Variants in NPAT observed in about 807,000 individuals in gnomAD.
NPAT encodes the protein protein NPAT.
A neutral mutation model predicts 130.7 loss-of-function variants in NPAT; 52 were observed. The observed-to-expected ratio is 0.40, with a 90% CI of 0.32 to 0.50. The LOEUF (loss-of-function observed/expected upper bound fraction) is 0.50. Ranked by LOEUF, NPAT falls within the 20% of genes least tolerant of loss-of-function variation. The probability of loss-of-function intolerance (pLI) is 0.68; values close to 1 mark genes in which losing one functional copy is unlikely to be tolerated. For missense variants in NPAT, 1,687 were observed against 1,662.6 expected, an observed-to-expected ratio of 1.01 and a Z score of -0.26; for synonymous variants, 580 against 584.8, an observed-to-expected ratio of 0.99 and a Z score of 0.12.
intron 10 of NPAT, among the ~76,000 whole-genome samples, chr11:108,177,522 A>G (rs2078020451): frequency 6.6e-6 from 1 of 152,070 alleles, no homozygotes; most frequent in African/African-American, 2.4e-5. Context: ...CTGACTTTTT[A>G]TGTAGTAGCA....
chr11:108,191,928 T>A (rs949126886), intron 4 of NPAT, among the ~76,000 whole-genome samples, 190 bp downstream of exon 4: 3 of 152,256 alleles, frequency 2.0e-5, no homozygotes, highest in Non-Finnish European at 4.4e-5. Context: ...GTTTTCTAAA[T>A]ATTTTATTAA....
intron 6 of NPAT, among the ~76,000 whole-genome samples, chr11:108,188,645 C>T (rs1260348606): frequency 1.3e-5 from 2 of 152,124 alleles, no homozygotes; most frequent in Non-Finnish European, 2.9e-5. Flanking sequence ...TTCAAGTATG[C>T]AACAAATAAG....
chr11:108,210,441 C>G (rs754651233), intron 1 of NPAT, among the ~76,000 whole-genome samples: 1 of 152,166 alleles, frequency 6.6e-6, no homozygotes, highest in Non-Finnish European at 1.5e-5. Flanking sequence ...TGCTCTCACT[C>G]CTGCCATGTG....
intron 1 of NPAT, among the ~76,000 whole-genome samples, chr11:108,200,259 A>G: frequency 6.6e-6 from 1 of 152,192 alleles, no homozygotes; most frequent in South Asian, 2.1e-4. Flanking sequence ...GCAACTTATT[A>G]GGCCAGGCCT....
rs558468952 is a variant in NPAT at position 108,163,067 on chromosome 11, T to C, written c.3011-887A>G. 1.7e-4 allele frequency among the ~76,000 whole-genome samples: 26 copies of C among 151,460 alleles called. No homozygotes were observed. In the East Asian group the frequency reaches 4.1e-3, roughly 24 times the overall value. ...GAGGCAATCCTTTAAGAGATTTATTTATTTATTTATTTATTTATTTATTTA... is the reference window on the plus strand; with the variant it reads ...GAGGCAATCCTTTAAGAGATTTATTCATTTATTTATTTATTTATTTATTTA... On this transcript the variant is annotated intron_variant, in intron 15 of 17. Transcript: ENST00000278612.
chr11:108,163,729 T>C (rs147327166), intron 15 of NPAT, among the ~76,000 whole-genome samples: 3 of 152,312 alleles, frequency 2.0e-5, no homozygotes, highest in African/African-American at 4.8e-5. Context: ...GAAGCCACCA[T>C]AGTATCAACA....
intron 15 of NPAT, among the ~76,000 whole-genome samples, chr11:108,163,625 A>C (rs1367662353): frequency 6.6e-6 from 1 of 152,228 alleles, no homozygotes; most frequent in Non-Finnish European, 1.5e-5. Flanking sequence ...AGGCAGAAGA[A>C]GTCTTTGAGG....
chr11:108,222,509 G>T lies in NPAT; in HGVS notation c.28C>A (p.Leu10Ile). MLLPSDVAR[L>I]VLGYLQQENL... is the part of the protein sequence containing the mutation. ...CCGCGTCCGCGCTTACCCAATACAA[G>T]CCGGGCTACGTCCGAGGGTAACAAC... The change falls in exon 1 of 18, where the codon CTT (leucine) becomes ATT (isoleucine). Residue 10 changes from leucine to isoleucine, a missense_variant. Physicochemically the swap from Leu to Ile is conservative, Grantham distance 5 (BLOSUM62 2). Transcript: ENST00000278612. 1 of 1,613,864 alleles carries T rather than the reference G, an allele frequency of 6.2e-7. No homozygotes were observed. Among genetic ancestry groups the T allele is most frequent in the Non-Finnish European group, 8.5e-7 (1 of 1,179,908 alleles).
In NPAT at chr11:108,173,705, C is replaced by G. The variant is rs748820751; in HGVS notation, c.1279G>C (p.Ala427Pro). 2 of 1,614,144 alleles carry G rather than the reference C, an allele frequency of 1.2e-6. No homozygotes were observed. Among genetic ancestry groups the G allele is most frequent in the South Asian group, 2.2e-5 (2 of 91,088 alleles). Reference protein sequence around the residue: ...SQISTSIQKKAFKTAVPTEQK... With the variant: ...SQISTSIQKKPFKTAVPTEQK... ...TCAGTGGGTACAGCTGTTTTAAAGGCCTTTTTCTGTATGCTGGTACTTATT... is the reference window on the plus strand; with the variant it reads ...TCAGTGGGTACAGCTGTTTTAAAGGGCTTTTTCTGTATGCTGGTACTTATT... Residue 427 changes from alanine (A) to proline (P), a missense_variant, in exon 13 of 18, where the codon GCC becomes CCC. Ala to Pro is a conservative substitution (Grantham distance 27). Transcript: ENST00000278612.
At position 108,173,507 on chromosome 11, in the gene NPAT, T is replaced by A. The variant is rs2077975083; in HGVS notation, c.1477A>T (p.Asn493Tyr). The A allele has an allele frequency of 1.2e-6, 2 of 1,614,182 alleles. No homozygotes were observed. The highest frequency in any genetic ancestry group is 2.2e-5 in the East Asian group (1 of 44,874). Reference sequence around the variant, plus strand: ...TGTAACTGAGATTCACTCGGTACATTTGAAGACAAAGAGTTCTTTTCAATC... The same window carrying A: ...TGTAACTGAGATTCACTCGGTACATATGAAGACAAAGAGTTCTTTTCAATC... The part of the protein sequence containing the change: ...IGIEKNSLSS[N>Y]VPSESQLQPD... The change falls in exon 13 of 18, where the codon AAT becomes TAT. Residue 493 changes from asparagine (N) to tyrosine (Y), a missense_variant. Asn to Tyr is a moderately radical substitution (Grantham distance 143). Around this residue, in one of 3 missense-constraint regions of NPAT, gnomAD observed 1,379 missense variants for 1,346.6 expected, o/e 1.02. Coordinates refer to ENST00000278612, the MANE Select transcript of NPAT (RefSeq NM_002519.3).
chr11:108,185,156 A>T (rs2078093985), intron 10 of NPAT, 76 bp downstream of exon 10: 5 of 994,466 alleles, frequency 5.0e-6, no homozygotes, highest in Non-Finnish European at 7.9e-6. Flanking sequence ...AATGGTTTTG[A>T]AATGAAACCA....
chr11:108,176,199 T>C (rs2078004402), intron 12 of NPAT, 47 bp downstream of exon 12: 1 of 1,352,132 alleles, frequency 7.4e-7, no homozygotes. Context: ...ATTTTGAGAC[T>C]AATATTAAGA....
rs942455067 is a variant in NPAT at position 108,222,632 on chromosome 11, C to T, written c.-96G>A. On this transcript the variant is annotated 5_prime_UTR_variant, in exon 1 of 18. Transcript: ENST00000278612. ...GCGCCGCATCTCCTGGTTCCAGTGG[C>T]GGCACTGAACTCGCGGCAATTTGTC... 11 of 1,343,364 alleles carry T rather than the reference C, an allele frequency of 8.2e-6. No individual in the cohort carries two copies. In the African/African-American group the frequency reaches 1.3e-4, roughly 16 times the overall value. 83.2% of individuals were successfully genotyped at this position (1,343,364 alleles called of 1,614,324 possible). A position where few individuals can be genotyped will look rare whatever the true frequency, so the allele number is the denominator to read the frequency against.
chr11:108,175,261 C>T (rs760275883), intron 12 of NPAT, among the ~76,000 whole-genome samples: 4 of 152,132 alleles, frequency 2.6e-5, no homozygotes, highest in Admixed American at 6.5e-5. Flanking sequence ...CATAGGTATG[C>T]CTGAAAAGGA....
At position 108,161,297 on chromosome 11, in the gene NPAT, A is replaced by G; in HGVS notation, c.3789T>C (p.Ser1263=). The change falls in exon 17 of 18, where the codon AGT becomes AGC. Residue 1263 remains serine (S), a synonymous_variant. Coordinates refer to ENST00000278612, the MANE Select transcript of NPAT (RefSeq NM_002519.3). The part of the protein sequence containing the change: ...HSSVSRLADS[S]DLPVPRTPGS... ...CAGGTGTCCGGGGCACAGGTAAATC[A>G]CTACTATCAGCAAGCCTACTTACTG... The G allele has an allele frequency of 2.5e-6, 4 of 1,614,206 alleles. No homozygotes were observed. The highest frequency in any genetic ancestry group is 3.4e-6 in the Non-Finnish European group (4 of 1,180,044).
chr11:108,176,213 G>A (rs768602579), intron 12 of NPAT, 33 bp downstream of exon 12: 3 of 1,446,294 alleles, frequency 2.1e-6, no homozygotes, highest in Non-Finnish European at 2.9e-6. Context: ...ATTAAGATTT[G>A]GATTGATGAT....
chr11:108,177,719 C>T (rs1026080597), intron 10 of NPAT, among the ~76,000 whole-genome samples: 13 of 151,184 alleles, frequency 8.6e-5, no homozygotes, highest in African/African-American at 2.9e-4. Flanking sequence ...ATAAAGTTCC[C>T]TTTTTTTTTG....
intron 1 of NPAT, 112 bp from the exon 2 acceptor site, chr11:108,197,532 G>T (rs751580913): frequency 3.5e-5 from 27 of 774,888 alleles, no homozygotes; most frequent in Non-Finnish European, 5.6e-5. Flanking sequence ...ACCTTAGGTG[G>T]AATGCTCTAG....
chr11:108,173,417 T>C lies in NPAT; in HGVS notation c.1567A>G (p.Asn523Asp). 1 of 1,614,166 alleles carries C rather than the reference T, an allele frequency of 6.2e-7. No individual in the cohort carries two copies. The highest frequency in any genetic ancestry group is 8.5e-7 in the Non-Finnish European group (1 of 1,180,014). ...GAACTCTTCCCAGAGAGAATTAAGTTTTCATTGTTAGCTTCACAACCAAGT... is the reference window on the plus strand; with the variant it reads ...GAACTCTTCCCAGAGAGAATTAAGTCTTCATTGTTAGCTTCACAACCAAGT... ...VSLGCEANNE[N>D]LILSGKSSQL... Residue 523 changes from asparagine (N) to aspartate (D), a missense_variant, in exon 13 of 18, where the codon AAC becomes GAC. Asn to Asp is a conservative substitution (Grantham distance 23). Transcript: ENST00000278612.
Sources: gnomAD v4.1 joint callset for allele counts (sites outside exome capture counted in the v4.1 genomes callset) on GRCh38, gnomAD v4.1.1 for gene constraint, gnomAD v4.1.1 regional missense constraint, MANE v1.5 for transcripts, NCBI Gene and HGNC (gene_info 2026-07-23, HGNC 2026-07-21) for gene names.